The following DAPK2 variants were observed in gnomAD, a reference collection of about 807,000 sequenced individuals.
The protein encoded by DAPK2 is death associated protein kinase 2, also known as death-associated protein kinase 2.
DAPK2 carries 35 observed loss-of-function variants against 44.1 expected under a neutral mutation model. The observed-to-expected ratio is 0.79, with a 90% CI of 0.61 to 1.05. DAPK2 has a LOEUF of 1.05. Among genes scored for constraint, DAPK2 ranks in the 50% least tolerant of loss-of-function variants. The pLI is 0.00. For synonymous variants in DAPK2, 174 were observed against 182.6 expected (o/e 0.95, Z 0.38); for missense variants, 453 against 483.2 (o/e 0.94, Z 0.59).
chr15:63,939,222 TACAACTCACCA>T lies in DAPK2; in HGVS notation c.582_583+9del, dbSNP rs745380240. ...TTCTTAGCTGAAAGACAAACAGGCC[TACAACTCACCA>T]ACAAATTCCGGCGTCCCAAAAATAT... On this transcript the variant is annotated splice_donor_variant and splice_donor_5th_base_variant and coding_sequence_variant and intron_variant, in exon 4 of 11. Transcript: ENST00000261891. LOFTEE classifies it high-confidence loss of function. The surrounding 1 kb of genome is among the most constrained non-coding windows in gnomAD (Gnocchi z 4.3). The T allele has an allele frequency of 1.5e-5, 24 of 1,613,476 alleles. No individual in the cohort carries two copies. Among genetic ancestry groups the T allele is most frequent in the Non-Finnish European group, 2.0e-5 (24 of 1,179,864 alleles).
At chr15:63,907,809 G>C (rs560944638) in exon 11 of DAPK2, 56 of 152,444 alleles carry the variant, frequency 3.7e-4, no homozygotes, top group African/African-American at 1.2e-3. Context: ...GACGGTTCAG[G>C]AGGACCTTCT....
chr15:63,913,496 C>T (rs934363465), intron 8 of DAPK2, among the ~76,000 whole-genome samples: 7 of 152,190 alleles, frequency 4.6e-5, no homozygotes, highest in African/African-American at 1.4e-4. Context: ...CCAAAGGTCC[C>T]GGGCAGCTCT....
chr15:63,999,347 A>C (rs532174047), intron 1 of DAPK2, among the ~76,000 whole-genome samples: 1 of 152,210 alleles, frequency 6.6e-6, no homozygotes, highest in South Asian at 2.1e-4. Flanking sequence ...TTCTGCCCCC[A>C]CAGCTGCCAA....
At chr15:63,995,149 G>A (rs976737251) in intron 1 of DAPK2, among the ~76,000 whole-genome samples, 2 of 151,894 alleles carry the variant, frequency 1.3e-5, no homozygotes, top group Non-Finnish European at 2.9e-5. Context: ...ATACACACAT[G>A]TATAAATCTC....
rs1335946931 is a variant in DAPK2 at position 63,923,807 on chromosome 15, T to G, written c.858+1009A>C. 6.6e-6 allele frequency among the ~76,000 whole-genome samples: 1 copy of G among 152,228 alleles called. No homozygotes were observed. Among genetic ancestry groups the G allele is most frequent in the African/African-American group, 2.4e-5 (1 of 41,456 alleles). On this transcript the variant is annotated intron_variant, in intron 8 of 10. Transcript: ENST00000261891. The surrounding 1 kb of genome is among the most constrained non-coding windows in gnomAD (Gnocchi z 4.2). Reference sequence around the variant, plus strand: ...CCCAGACGACTCCAGCCCTCCCTGTTCTGTCTTCCACAGGCCTCACCTTCT... The same window carrying G: ...CCCAGACGACTCCAGCCCTCCCTGTGCTGTCTTCCACAGGCCTCACCTTCT...
chr15:63,945,237 C>T (rs1320766895), intron 3 of DAPK2, among the ~76,000 whole-genome samples: 2 of 152,158 alleles, frequency 1.3e-5, no homozygotes, highest in Non-Finnish European at 2.9e-5. Context: ...ATGACGCTGG[C>T]CTGCTGGCAG....
intron 3 of DAPK2, among the ~76,000 whole-genome samples, chr15:63,950,089 A>T (rs904302945): frequency 5.9e-5 from 9 of 152,210 alleles, no homozygotes; most frequent in Non-Finnish European, 1.2e-4. Context: ...CCTCCACTTC[A>T]TGCCTTCAGG....
chr15:64,030,640 G>T (rs531265203), intron 1 of DAPK2, among the ~76,000 whole-genome samples: 1 of 151,526 alleles, frequency 6.6e-6, no homozygotes, highest in Non-Finnish European at 1.5e-5. Context: ...ACCCCTACTC[G>T]CCCTCAACCA....
At chr15:64,008,564 G>C (rs2079301277) in intron 1 of DAPK2, among the ~76,000 whole-genome samples, 1 of 152,220 alleles carries the variant, frequency 6.6e-6, no homozygotes, top group Admixed American at 6.5e-5. Flanking sequence ...CTAAGGAACA[G>C]CTTTGGCAAT....
Position 63,939,163 on chromosome 15 carries a change from G to A in DAPK2, c.583+69C>T. 6.3e-7 allele frequency: 1 copy of A among 1,596,576 alleles called. No individual in the cohort carries two copies. Among genetic ancestry groups the A allele is most frequent in the Non-Finnish European group, 8.5e-7 (1 of 1,171,134 alleles). On this transcript the variant is annotated intron_variant, in intron 4 of 10. Transcript: ENST00000261891. This position sits in a 1 kb window ranked among gnomAD's most constrained non-coding sequence, Gnocchi z 4.3. ...TCAGAGGCCATAGCCCCAGACACAG[G>A]TTTCTTCCCAGGATCCCTACCTTTG...
intron 3 of DAPK2, among the ~76,000 whole-genome samples, chr15:63,970,449 T>C (rs1037850): frequency 1 from 151,626 of 152,318 alleles, 75,474 homozygotes; most frequent in Non-Finnish European, 1. Flanking sequence ...CTCTCTGATA[T>C]CCCGGTTGGA....
At position 64,004,304 on chromosome 15, in the gene DAPK2, G is replaced by A. The variant is rs968558953; in HGVS notation, c.93-20550C>T. On this transcript the variant is annotated intron_variant, in intron 1 of 10. Coordinates refer to ENST00000261891, the Ensembl canonical transcript of DAPK2. ...GATCTAGAGGCTTGATCAGATTCAGGTTTGAGTTTCTTGCAAGACTCCTTC... is the reference window on the plus strand; with the variant it reads ...GATCTAGAGGCTTGATCAGATTCAGATTTGAGTTTCTTGCAAGACTCCTTC... Among the ~76,000 whole-genome samples the A allele has an allele frequency of 9.9e-5, 15 of 152,268 alleles. No homozygotes were observed. The South Asian group carries it at 3.1e-3, about 32-fold the overall frequency.
chr15:64,021,179 C>T (rs780055812), intron 1 of DAPK2, among the ~76,000 whole-genome samples: 1 of 152,204 alleles, frequency 6.6e-6, no homozygotes, highest in African/African-American at 2.4e-5. Flanking sequence ...TGGAAGTAGG[C>T]ACTTCAGTGG....
At position 64,009,397 on chromosome 15, in the gene DAPK2, T is replaced by C. The variant is rs550179558; in HGVS notation, c.93-25643A>G. On this transcript the variant is annotated intron_variant, in intron 1 of 10. Transcript: ENST00000261891. ...TTGTCCTACAACGCAGACATCATCA[T>C]GTTCTCTGCTCAAGATTATTTTCTC... Among the ~76,000 whole-genome samples the C allele has an allele frequency of 4.6e-5, 7 of 152,292 alleles. No individual in the cohort carries two copies. In the East Asian group the frequency reaches 1.2e-3, roughly 25 times the overall value.
At position 63,945,051 on chromosome 15, in the gene DAPK2, A is replaced by T. The variant is rs145545717; in HGVS notation, c.454-5690T>A. ...CTTACTTAGAGAGAATCTTTTTCTA[A>T]AAAAAGAGATGAGATGTTGCCCAGA... On this transcript the variant is annotated intron_variant, in intron 3 of 10. Coordinates refer to ENST00000261891, the Ensembl canonical transcript of DAPK2. Among the ~76,000 whole-genome samples the T allele has an allele frequency of 4.9e-3, 746 of 152,202 alleles. 6 individuals carry two copies. Among genetic ancestry groups the T allele is most frequent in the Non-Finnish European group, 8.0e-3 (542 of 68,014 alleles).
chr15:63,996,200 G>A (rs1005888018), intron 1 of DAPK2, among the ~76,000 whole-genome samples: 1 of 152,180 alleles, frequency 6.6e-6, no homozygotes, highest in Non-Finnish European at 1.5e-5. Flanking sequence ...TTGTGAGGCT[G>A]AGACAGGAGG....
chr15:63,967,075 G>A (rs1241483147), intron 3 of DAPK2, among the ~76,000 whole-genome samples: 1 of 152,174 alleles, frequency 6.6e-6, no homozygotes, highest in African/African-American at 2.4e-5. Context: ...AGCTACTCAG[G>A]AGGCTGAGGC....
At chr15:63,947,834 T>G (rs1376509835) in intron 3 of DAPK2, among the ~76,000 whole-genome samples, 6 of 152,128 alleles carry the variant, frequency 3.9e-5, no homozygotes, top group African/African-American at 1.4e-4. Flanking sequence ...GAAGCATCAT[T>G]TGGATATGCA....
intron 1 of DAPK2, among the ~76,000 whole-genome samples, chr15:64,001,107 T>TG (rs1240445741): frequency 6.6e-6 from 1 of 151,780 alleles, no homozygotes; most frequent in Non-Finnish European, 1.5e-5. Flanking sequence ...CTAGAACTCC[T>TG]GACCTCAGGT....
Sources: allele counts gnomAD v4.1 joint callset (sites outside exome capture counted in the v4.1 genomes callset), GRCh38; gene constraint gnomAD v4.1.1; non-coding constraint Gnocchi (gnomAD v3.1); transcripts MANE v1.5; gene names NCBI Gene and HGNC (gene_info 2026-07-23, HGNC 2026-07-21).